The following ABHD17B variants were observed in gnomAD, a reference collection of about 807,000 sequenced individuals.
ABHD17B encodes alpha/beta hydrolase domain-containing protein 17B.
A neutral mutation model predicts 26.2 loss-of-function variants in ABHD17B; 9 were observed. That is an observed-to-expected ratio of 0.34 (90% confidence interval 0.21 to 0.60). ABHD17B has a LOEUF of 0.60. Ranked by LOEUF, ABHD17B falls within the 20% of genes least tolerant of loss-of-function variation. ABHD17B has a pLI of 0.80. For synonymous variants in ABHD17B, 127 were observed against 122.3 expected, an observed-to-expected ratio of 1.04 and a Z score of -0.25; for missense variants, 224 against 352.1, an observed-to-expected ratio of 0.64 and a Z score of 2.91.
rs1197128396 is a variant in ABHD17B, at chr9:71,896,230, T to C, written c.-4+14404A>G. Among the ~76,000 whole-genome samples the C allele has an allele frequency of 4.6e-5, 7 of 152,320 alleles. No individual in the cohort carries two copies. The East Asian group carries it at 1.4e-3, about 29-fold the overall frequency. On this transcript the variant is annotated intron_variant, in intron 1 of 3. Transcript: ENST00000333421. ...AGTGAATGCTCATTCTGTCCCCAAC[T>C]TCACTTCTATATGATTAACATTCTC...
intron 2 of ABHD17B, among the ~76,000 whole-genome samples, chr9:71,873,256 AT>A (rs200560702): frequency 4.6e-5 from 7 of 151,156 alleles, no homozygotes; most frequent in South Asian, 2.1e-4. Flanking sequence ...CCAAATTGTG[AT>A]TTTTTTTTCA....
chr9:71,867,935 G>A (rs1023165941), intron 3 of ABHD17B, among the ~76,000 whole-genome samples: 9 of 152,030 alleles, frequency 5.9e-5, no homozygotes, highest in Admixed American at 2.0e-4. Flanking sequence ...GGCCAGGTGC[G>A]GTGGCTCATG....
At chr9:71,897,723 C>T (rs1057189407) in intron 1 of ABHD17B, among the ~76,000 whole-genome samples, 1 of 152,138 alleles carries the variant, frequency 6.6e-6, no homozygotes, top group African/African-American at 2.4e-5. Context: ...GATGTTGTAA[C>T]ATGTCAGTCA....
chr9:71,883,167 G>C (rs928713110), intron 1 of ABHD17B, among the ~76,000 whole-genome samples: 1 of 152,016 alleles, frequency 6.6e-6, no homozygotes, highest in Non-Finnish European at 1.5e-5. Context: ...AACAAAAATT[G>C]AGTTGTATCT....
intron 2 of ABHD17B, among the ~76,000 whole-genome samples, chr9:71,873,130 T>C (rs1019746166): frequency 6.6e-6 from 1 of 152,154 alleles, no homozygotes; most frequent in Non-Finnish European, 1.5e-5. Flanking sequence ...TCCTATAGCT[T>C]CAGTCTAAAA....
At position 71,865,438 on chromosome 9, in the gene ABHD17B, T is replaced by C; in HGVS notation, c.*1349A>G. On this transcript the variant is annotated 3_prime_UTR_variant, in exon 4 of 4. Coordinates refer to ENST00000333421, the MANE Select transcript of ABHD17B (RefSeq NM_001025780.3). ...GGAAAGGCAACTTAGTTTTTGTATG[T>C]GTGAGCTTTATTTTTTTACTATATT... 4.1e-6 allele frequency: 4 copies of C among 984,502 alleles called. No homozygotes were observed. The highest frequency in any genetic ancestry group is 4.8e-6 in the Non-Finnish European group (4 of 829,016). The allele number at this position is 984,502 out of a possible 1,614,324, so 61.0% of individuals were successfully genotyped here.
chr9:71,906,353 C>T (rs539138627), intron 1 of ABHD17B, among the ~76,000 whole-genome samples: 3 of 152,308 alleles, frequency 2.0e-5, no homozygotes, highest in South Asian at 2.1e-4. Context: ...CAATGACAGG[C>T]CCAGCATTGG....
intron 1 of ABHD17B, among the ~76,000 whole-genome samples, chr9:71,875,716 T>C (rs532156864): frequency 6.6e-6 from 1 of 152,368 alleles, no homozygotes; most frequent in Admixed American, 6.5e-5. Flanking sequence ...GAAATATCTT[T>C]AGTGTAGTCT....
chr9:71,872,634 G>T lies in ABHD17B; in HGVS notation c.467+1980C>A, dbSNP rs78403999. On this transcript the variant is annotated intron_variant, in intron 2 of 3. Transcript: ENST00000333421. ...CACTGAAGTTAACCTTTAAAAGTGTGAACCTTATCACTCAATAAAGCTATT... is the reference window on the plus strand; with the variant it reads ...CACTGAAGTTAACCTTTAAAAGTGTTAACCTTATCACTCAATAAAGCTATT... Among the ~76,000 whole-genome samples the T allele has an allele frequency of 8.2e-3, 1,245 of 152,112 alleles. 17 individuals are homozygous for T. Among genetic ancestry groups the T allele is most frequent in the African/African-American group, 0.028 (1,154 of 41,478 alleles).
chr9:71,883,675 G>A (rs1564066588), intron 1 of ABHD17B, among the ~76,000 whole-genome samples: 2 of 152,296 alleles, frequency 1.3e-5, no homozygotes, highest in East Asian at 1.9e-4. Flanking sequence ...GGTGGCTCAC[G>A]CCTGTAATCC....
intron 3 of ABHD17B, 41 bp from the exon 4 acceptor site, chr9:71,867,047 C>G (rs904447151): frequency 1.9e-6 from 3 of 1,596,602 alleles, no homozygotes; most frequent in Non-Finnish European, 2.6e-6. Context: ...AATAAATTAA[C>G]TATGTAAAGG....
At position 71,885,657 on chromosome 9, in the gene ABHD17B, T is replaced by C. The variant is rs376898597; in HGVS notation, c.-3-10574A>G. ...CCTCCTCAATGACAAAGAAAAAAGA[T>C]AAATAACTGATTCTTTCTCAGCAAA... On this transcript the variant is annotated intron_variant, in intron 1 of 3. Coordinates refer to ENST00000333421, the MANE Select transcript of ABHD17B (RefSeq NM_001025780.3). 1.5e-3 allele frequency among the ~76,000 whole-genome samples: 231 copies of C among 152,224 alleles called. 1 individual carries two copies. The highest frequency in any genetic ancestry group is 5.3e-3 in the African/African-American group (219 of 41,546).
In ABHD17B at chr9:71,879,770, T is replaced by C. The variant is rs149794879; in HGVS notation, c.-3-4687A>G. On this transcript the variant is annotated intron_variant, in intron 1 of 3. Coordinates refer to ENST00000333421, the MANE Select transcript of ABHD17B (RefSeq NM_001025780.3). ...GGCACTATTCTAAACACTTTTCACA[T>C]ATTAACTAATCCTTTCAACAATCCT... Among the ~76,000 whole-genome samples, 28 of 152,358 alleles carry C rather than the reference T, an allele frequency of 1.8e-4. No individual in the cohort carries two copies. In the East Asian group the frequency reaches 5.0e-3, roughly 27 times the overall value.
At chr9:71,894,027 G>C (rs971290509) in intron 1 of ABHD17B, among the ~76,000 whole-genome samples, 1 of 133,630 alleles carries the variant, frequency 7.5e-6, no homozygotes, top group Non-Finnish European at 1.5e-5. Flanking sequence ...GACAGCGCTT[G>C]CAGCGAGCTG....
chr9:71,873,734 C>T (rs1826179260), intron 2 of ABHD17B, among the ~76,000 whole-genome samples: 1 of 151,988 alleles, frequency 6.6e-6, no homozygotes, highest in South Asian at 2.1e-4. Flanking sequence ...GGGGTTTCAC[C>T]ATGTTGGCCA....
At chr9:71,863,294 G>T (rs980999925), downstream of ABHD17B, among the ~76,000 whole-genome samples, 10 of 152,164 alleles carry the variant, frequency 6.6e-5, no homozygotes, top group African/African-American at 2.2e-4. Context: ...GAGTAGGGCT[G>T]AAATTTTCAC....
In ABHD17B at chr9:71,866,431, T is replaced by C. The variant is rs190761324; in HGVS notation, c.*356A>G. The C allele has an allele frequency of 4.0e-6, 4 of 994,222 alleles. No homozygotes were observed. Among genetic ancestry groups the C allele is most frequent in the Admixed American group, 1.0e-4 (2 of 19,648 alleles). 61.6% of individuals were successfully genotyped at this position (994,222 alleles called of 1,614,324 possible). On this transcript the variant is annotated 3_prime_UTR_variant, in exon 4 of 4. Coordinates refer to ENST00000333421, the MANE Select transcript of ABHD17B (RefSeq NM_001025780.3). ...TTGTATTCCAGGATAAGATTTAATA[T>C]ATTGAGATGTTTTAAAAATATTTAT...
intron 1 of ABHD17B, among the ~76,000 whole-genome samples, chr9:71,875,817 T>C (rs1288405148): frequency 1.3e-5 from 2 of 152,226 alleles, no homozygotes; most frequent in Non-Finnish European, 2.9e-5. Flanking sequence ...ATAGCATTTA[T>C]GAAGCTATTT....
chr9:71,873,687 C>A (rs1244217883), intron 2 of ABHD17B, among the ~76,000 whole-genome samples: 1 of 151,906 alleles, frequency 6.6e-6, no homozygotes, highest in African/African-American at 2.4e-5. Context: ...TGAGCCACTG[C>A]GCCCAGACAT....
Sources: gnomAD v4.1 joint callset for allele counts (sites outside exome capture counted in the v4.1 genomes callset) on GRCh38, gnomAD v4.1.1 for gene constraint, MANE v1.5 for transcripts, NCBI Gene and HGNC (gene_info 2026-07-23, HGNC 2026-07-21) for gene names.